ARHGEF18: variants seen among roughly 807,000 people sequenced by gnomAD.
The protein encoded by ARHGEF18 is rho guanine nucleotide exchange factor 18.
A neutral mutation model predicts 155.7 loss-of-function variants in ARHGEF18; 93 were observed. The observed-to-expected ratio is 0.60, with a 90% CI of 0.50 to 0.71. The LOEUF is 0.71. Ranked by LOEUF, ARHGEF18 falls within the 30% of genes least tolerant of loss-of-function variation. ARHGEF18 has a pLI of 0.00. For synonymous variants in ARHGEF18, 742 were observed against 753.1 expected (o/e 0.99, Z 0.24); for missense variants, 1,593 against 1,816.1 (o/e 0.88, Z 2.23).
At chr19:7,388,090 C>T (rs1268215798) in intron 10 of ARHGEF18, among the ~76,000 whole-genome samples, 1 of 151,966 alleles carries the variant, frequency 6.6e-6, no homozygotes, top group Non-Finnish European at 1.5e-5. Context: ...AATCAATAAA[C>T]CCCTTACAAA....
At chr19:7,397,224 GT>G (rs1156243135) in intron 10 of ARHGEF18, among the ~76,000 whole-genome samples, 1 of 151,554 alleles carries the variant, frequency 6.6e-6, no homozygotes, top group Non-Finnish European at 1.5e-5. Flanking sequence ...AGCTTATTTA[GT>G]TTTTGTTTTC....
At position 7,462,038 on chromosome 19, in the gene ARHGEF18, C is replaced by G. The variant is rs1416029987; in HGVS notation, c.2453-114C>G. 9 of 1,227,776 alleles carry G rather than the reference C, an allele frequency of 7.3e-6. No homozygotes were observed. The highest frequency in any genetic ancestry group is 1.1e-5 in the Non-Finnish European group (9 of 849,876). The allele number at this position is 1,227,776 out of a possible 1,614,324, so 76.1% of individuals were successfully genotyped here. A position where few individuals can be genotyped will look rare whatever the true frequency, so the allele number is the denominator to read the frequency against. On this transcript the variant is annotated intron_variant, in intron 20 of 28. Coordinates refer to ENST00000668164, the MANE Select transcript of ARHGEF18 (RefSeq NM_001367823.1). The surrounding 1 kb of genome is among the most constrained non-coding windows in gnomAD (Gnocchi z 4.4). The stretch of plus-strand genomic sequence containing the variant: ...AGGAATGCAGGACACAAGGGGGCAG[C>G]CTACCTCAGGGCAGGGCCAGCGGGG...
rs571738935 is a variant in ARHGEF18 at position 7,444,437 on chromosome 19, G to A, written c.1594G>A (p.Asp532Asn). 39 of 1,613,530 alleles carry A rather than the reference G, an allele frequency of 2.4e-5. No individual in the cohort carries two copies. The highest frequency in any genetic ancestry group is 1.6e-4 in the Middle Eastern group (1 of 6,062). Reference protein sequence around the residue: ...DRNYVIQKIGDLLVQQFSGEN... With the variant: ...DRNYVIQKIGNLLVQQFSGEN... ...GAATTATGTCATCCAGAAAATCGGCGACCTCCTGGTTCAGCAGGTGGGTGC... is the reference window on the plus strand; with the variant it reads ...GAATTATGTCATCCAGAAAATCGGCAACCTCCTGGTTCAGCAGGTGGGTGC... Residue 532 changes from aspartate to asparagine, a missense_variant, in exon 14 of 29, where the codon GAC (aspartate) becomes AAC (asparagine). Coordinates refer to ENST00000668164, the MANE Select transcript of ARHGEF18 (RefSeq NM_001367823.1). The surrounding 1 kb of genome is among the most constrained non-coding windows in gnomAD (Gnocchi z 4.7).
Position 7,464,465 on chromosome 19 carries a change from G to T in ARHGEF18, c.2774-95G>T, listed in dbSNP as rs117529495. 2.6e-5 allele frequency: 38 copies of T among 1,488,698 alleles called. No individual in the cohort carries two copies. The East Asian group carries it at 6.4e-4, about 25-fold the overall frequency. 92.2% of individuals were successfully genotyped at this position (1,488,698 alleles called of 1,614,324 possible). A position where few individuals can be genotyped will look rare whatever the true frequency, so the allele number is the denominator to read the frequency against. On this transcript the variant is annotated intron_variant, in intron 22 of 28. Transcript: ENST00000668164. The stretch of plus-strand genomic sequence containing the variant: ...ACGCCACCATTCGGGCCTAGCCTGG[G>T]TTTCCTACCTGGGCAGGGGCTGGGG...
intron 10 of ARHGEF18, among the ~76,000 whole-genome samples, chr19:7,397,501 G>C (rs57372960): frequency 6.0e-4 from 90 of 149,494 alleles, no homozygotes; most frequent in African/African-American, 1.3e-3. Flanking sequence ...GGAGGCCCGG[G>C]GGGGGGCAGA....
chr19:7,446,341 C>T (rs1974988878), intron 14 of ARHGEF18, among the ~76,000 whole-genome samples: 1 of 151,868 alleles, frequency 6.6e-6, no homozygotes, highest in Admixed American at 6.6e-5. Flanking sequence ...CACTGCCCTC[C>T]AGCCTGAGCC....
intron 23 of ARHGEF18, 82 bp from the exon 24 acceptor site, chr19:7,466,836 A>AAAGAAGAAG: frequency 2.7e-6 from 3 of 1,094,034 alleles, no homozygotes; most frequent in Non-Finnish European, 3.9e-6. Context: ...AGTTAAAAAA[A>AAAGAAGAAG]AAGAAGAAGA....
chr19:7,470,251 C>G lies in ARHGEF18; in HGVS notation c.4039C>G (p.Leu1347Val). The change falls in exon 29 of 29, where the codon CTC becomes GTC. Residue 1347 changes from leucine to valine, a missense_variant. Physicochemically the swap from Leu to Val is conservative, Grantham distance 32 (BLOSUM62 1). Transcript: ENST00000668164. This position sits in a 1 kb window ranked among gnomAD's most constrained non-coding sequence, Gnocchi z 5.9. ...TCCCTCGCCACTGCCGGCCACACCA[C>G]TCAGCGCCAAGGAGGACGCCAGCAA... ...PAPSPLPATP[L>V]SAKEDASKED... 2 of 1,599,546 alleles carry G rather than the reference C, an allele frequency of 1.3e-6. No individual in the cohort carries two copies. The highest frequency in any genetic ancestry group is 1.7e-6 in the Non-Finnish European group (2 of 1,174,700).
intron 10 of ARHGEF18, among the ~76,000 whole-genome samples, chr19:7,422,719 T>TC (rs1259755494): frequency 1.1e-5 from 1 of 92,354 alleles, no homozygotes; most frequent in South Asian, 3.4e-4. Flanking sequence ...AACTTTTCTT[T>TC]TTTTTTTTTT....
chr19:7,372,327 G>A (rs552614790), intron 2 of ARHGEF18, among the ~76,000 whole-genome samples: 99 of 152,290 alleles, frequency 6.5e-4, no homozygotes, highest in African/African-American at 2.3e-3. Flanking sequence ...GATGGGCCGG[G>A]TGGGAGAGGA....
rs1555699299 is a variant in ARHGEF18 at position 7,367,789 on chromosome 19, T to TATATATATATACAC, written c.15+4895_15+4908dup. Among the ~76,000 whole-genome samples, 252 of 32,436 alleles carry TATATATATATACAC rather than the reference T, an allele frequency of 7.8e-3. 40 individuals are homozygous for TATATATATATACAC. The highest frequency in any genetic ancestry group is 0.03 in the South Asian group (31 of 1,034). 21.3% of individuals were successfully genotyped at this position (32,436 alleles called of 152,430 possible). ...TATATATATACACATATATATATTT[T>TATATATATATACAC]ATATATATATACACATATATATATT... On this transcript the variant is annotated intron_variant, in intron 2 of 28. Transcript: ENST00000668164.
the ARHGEF18 span, chr19:7,477,583 T>G: frequency 1.6e-6 from 1 of 618,842 alleles, no homozygotes; most frequent in South Asian, 2.9e-5. Flanking sequence ...TCCCTGACCA[T>G]CCACAGAGAC....
In ARHGEF18 at chr19:7,440,255, GCCGCAGTCGGAGCGGGGCTTCCGCGC is replaced by G. The variant is rs1568335936; in HGVS notation, c.968-87_968-62del. On this transcript the variant is annotated intron_variant, in intron 10 of 28. Coordinates refer to ENST00000668164, the MANE Select transcript of ARHGEF18 (RefSeq NM_001367823.1). The surrounding 1 kb of genome is among the most constrained non-coding windows in gnomAD (Gnocchi z 5.4). ...CCTCCAAGATCCTGTCTGTGCTGCG[GCCGCAGTCGGAGCGGGGCTTCCGCGC>G]CGGGGACCTCCGCTACCCGACCCAC... 6.4e-7 allele frequency: 1 copy of G among 1,554,162 alleles called. No individual in the cohort carries two copies. Among genetic ancestry groups the G allele is most frequent in the East Asian group, 2.4e-5 (1 of 41,012 alleles).
At chr19:7,443,489 C>T (rs1974800398) in intron 13 of ARHGEF18, among the ~76,000 whole-genome samples, 1 of 152,170 alleles carries the variant, frequency 6.6e-6, no homozygotes, top group African/African-American at 2.4e-5. Flanking sequence ...ACGTGAGCCA[C>T]CACCCTTGGC....
chr19:7,442,422 TGGG>T (rs1201895495), intron 13 of ARHGEF18, among the ~76,000 whole-genome samples: 1 of 151,970 alleles, frequency 6.6e-6, no homozygotes, highest in Non-Finnish European at 1.5e-5. Context: ...TCTGTAGAGT[TGGG>T]GGTCTCACCA....
chr19:7,408,941 T>TCCCAGCTA (rs1013374046), intron 10 of ARHGEF18, among the ~76,000 whole-genome samples: 1 of 151,670 alleles, frequency 6.6e-6, no homozygotes, highest in African/African-American at 2.4e-5. Context: ...GCACCTATAG[T>TCCCAGCTA]CCCAGCTACT....
rs1223262351 is a variant in ARHGEF18 at position 7,441,828 on chromosome 19, G to T, written c.1219+63G>T. The T allele has an allele frequency of 3.1e-6, 5 of 1,612,184 alleles. No individual in the cohort carries two copies. The East Asian group carries it at 1.1e-4, about 36-fold the overall frequency. ...TTCCTGTCTCTCCTGGGAAGAGCTG[G>T]GGCTCGTGTCAGCATGTCTACGGGA... On this transcript the variant is annotated intron_variant, in intron 12 of 28. Transcript: ENST00000668164.
intron 14 of ARHGEF18, among the ~76,000 whole-genome samples, chr19:7,445,079 A>G (rs1202708076): frequency 6.6e-6 from 1 of 152,176 alleles, no homozygotes; most frequent in Non-Finnish European, 1.5e-5. Context: ...TCAATGTTAC[A>G]TTCTTCTGTG....
intron 10 of ARHGEF18, among the ~76,000 whole-genome samples, chr19:7,401,408 C>T (rs905544516): frequency 6.6e-6 from 1 of 152,170 alleles, no homozygotes; most frequent in Non-Finnish European, 1.5e-5. Context: ...ACCTCAGCCT[C>T]CCAAATAGCT....
Sources: gnomAD v4.1 joint callset for allele counts (sites outside exome capture counted in the v4.1 genomes callset) on GRCh38, gnomAD v4.1.1 for gene constraint, Gnocchi (gnomAD v3.1) non-coding constraint, MANE v1.5 for transcripts, NCBI Gene and HGNC (gene_info 2026-07-23, HGNC 2026-07-21) for gene names.